RPL6: variants seen among roughly 807,000 people sequenced by gnomAD.
The protein encoded by RPL6 is large ribosomal subunit protein eL6.
A neutral mutation model predicts 32.1 loss-of-function variants in RPL6; 1 was observed. The observed-to-expected ratio is 0.03, with a 90% CI of 0.01 to 0.15. The LOEUF (loss-of-function observed/expected upper bound fraction) is 0.15. Among genes scored for constraint, RPL6 ranks in the 10% least tolerant of loss-of-function variants. RPL6 has a pLI of 1.00. For missense variants in RPL6, 275 were observed against 354.6 expected (o/e 0.78, Z 1.80); for synonymous variants, 126 against 131.6 (o/e 0.96, Z 0.29).
At chr12:112,418,218 T>G (rs2037447805) in intron 1 of RPL6, 1 of 151,890 alleles carries the variant, frequency 6.6e-6, no homozygotes, top group African/African-American at 2.4e-5. Flanking sequence ...GACCTCGTGA[T>G]CCGCCCACCT....
At chr12:112,412,285 C>T (rs548032477), upstream of RPL6, among the ~76,000 whole-genome samples, 13 of 152,112 alleles carry the variant, frequency 8.5e-5, no homozygotes, top group South Asian at 2.1e-4. Flanking sequence ...GTGATCTGCC[C>T]GCCTCGACCT....
At chr12:112,409,124 C>G in intron 1 of RPL6, 3 of 258,764 alleles carry the variant, frequency 1.2e-5, no homozygotes, top group Non-Finnish European at 2.2e-5. Context: ...CAAACGGAAT[C>G]AGCCCAAATT....
At chr12:112,409,025 A>T (rs1420268245) in intron 1 of RPL6, 2 of 255,738 alleles carry the variant, frequency 7.8e-6, no homozygotes, top group East Asian at 1.6e-4. Flanking sequence ...CAAGACCAGA[A>T]CTTGAAATCC....
At chr12:112,406,162 G>A (rs1307307404) in intron 5 of RPL6, 125 bp from the exon 6 acceptor site, 6 of 1,201,398 alleles carry the variant, frequency 5.0e-6, no homozygotes, top group Admixed American at 2.0e-5. Context: ...TTGCACACAA[G>A]GCAATGAAAT....
At chr12:112,408,145 G>A (rs753417489) in intron 3 of RPL6, 95 bp downstream of exon 3, 39 of 874,550 alleles carry the variant, frequency 4.5e-5, no homozygotes, top group Middle Eastern at 3.3e-4. Flanking sequence ...GAAATTCTCC[G>A]GTATGCAGAA....
At position 112,408,520 on chromosome 12, in the gene RPL6, C is replaced by T. The variant is rs557069721; in HGVS notation, c.137G>A (p.Arg46His). Residue 46 changes from arginine to histidine, a missense_variant, in exon 2 of 7, where the codon CGC becomes CAC. By Grantham distance (29) the Arg-to-His change is conservative. Coordinates refer to ENST00000202773, the MANE Select transcript of RPL6 (RefSeq NM_000970.6). ...AATTCCTCTGACAAGGACAGGGTTG[C>T]GGCTGCAATGGGGCTTCCCCTTCTT... The part of the protein sequence containing the change: ...KPKKGKPHCS[R>H]NPVLVRGIGR... 16 of 1,612,770 alleles carry T rather than the reference C, an allele frequency of 9.9e-6. No homozygotes were observed. Among genetic ancestry groups the T allele is most frequent in the East Asian group, 2.2e-5 (1 of 44,886 alleles).
At chr12:112,409,555 T>A (rs2037296699) in intron 1 of RPL6, 32 bp downstream of exon 1, 4 of 398,526 alleles carry the variant, frequency 1.0e-5, no homozygotes, top group Non-Finnish European at 1.8e-5. Flanking sequence ...AGTCCTGAAC[T>A]CAAGTCTTGC....
At chr12:112,411,941 G>A (rs1293686982), upstream of RPL6, among the ~76,000 whole-genome samples, 5 of 149,176 alleles carry the variant, frequency 3.4e-5, no homozygotes, top group Non-Finnish European at 7.4e-5. Flanking sequence ...GTGCAGTGCC[G>A]TGATCTTGGC....
chr12:112,418,137 G>A (rs560369415), intron 1 of RPL6, among the ~76,000 whole-genome samples: 1 of 152,132 alleles, frequency 6.6e-6, no homozygotes, highest in African/African-American at 2.4e-5. Context: ...CCCCCACCAC[G>A]CCAGGCTAAT....
upstream of RPL6, among the ~76,000 whole-genome samples, chr12:112,413,649 C>T (rs535649525): frequency 5.9e-5 from 9 of 152,048 alleles, no homozygotes; most frequent in South Asian, 1.5e-3. Flanking sequence ...TGGTCTCAAA[C>T]TCCTGTCTCA....
At chr12:112,409,390 C>G (rs2037290313) in intron 1 of RPL6, 197 bp downstream of exon 1, 1 of 398,200 alleles carries the variant, frequency 2.5e-6, no homozygotes, top group Non-Finnish European at 4.4e-6. Context: ...CGGAGGGAGC[C>G]ACTACGGCAT....
chr12:112,409,623 C>T (rs1344952095), upstream of RPL6: 5 of 397,694 alleles, frequency 1.3e-5, no homozygotes, highest in Non-Finnish European at 4.4e-6. Flanking sequence ...GTCCCGGCTT[C>T]CGGTCTATAA....
At chr12:112,411,135 G>T (rs1216167113), upstream of RPL6, among the ~76,000 whole-genome samples, 2 of 152,132 alleles carry the variant, frequency 1.3e-5, no homozygotes, top group African/African-American at 4.8e-5. Flanking sequence ...TAACCATTAG[G>T]CTGCAAGATT....
At chr12:112,414,652 C>T (rs929539950), upstream of RPL6, among the ~76,000 whole-genome samples, 6 of 152,146 alleles carry the variant, frequency 3.9e-5, no homozygotes, top group Non-Finnish European at 8.8e-5. Flanking sequence ...GCCTGTAATT[C>T]CAGCACTTTG....
upstream of RPL6, among the ~76,000 whole-genome samples, chr12:112,412,281 T>C (rs532719050): frequency 3.0e-4 from 46 of 152,178 alleles, 1 homozygote; most frequent in African/African-American, 1.0e-3. Context: ...CCTCGTGATC[T>C]GCCCGCCTCG....
At chr12:112,406,503 A>T in intron 4 of RPL6, 161 bp from the exon 5 acceptor site, 2 of 774,608 alleles carry the variant, frequency 2.6e-6, no homozygotes, top group South Asian at 1.8e-5. Flanking sequence ...CTAAGGTAGT[A>T]CTCCAGACAT....
chr12:112,413,592 T>G (rs2037364861), upstream of RPL6, among the ~76,000 whole-genome samples: 1 of 151,986 alleles, frequency 6.6e-6, no homozygotes, highest in South Asian at 2.1e-4. Context: ...TTTTTTTGTT[T>G]TGTTTTGTTT....
At chr12:112,410,696 CCCAAGTAGCAGGGATTACAGGCGCACA>C (rs1400196577), upstream of RPL6, among the ~76,000 whole-genome samples, 6 of 150,438 alleles carry the variant, frequency 4.0e-5, no homozygotes, top group Middle Eastern at 3.2e-3. Context: ...GCCTCAGCCT[CCCAAGTAGCAGGGATTACAGGCGCACA>C]CCACCATGCC....
intron 1 of RPL6, chr12:112,409,351 T>A (rs1250693380): frequency 1.3e-5 from 5 of 395,930 alleles, no homozygotes; most frequent in Non-Finnish European, 2.2e-5. Flanking sequence ...AGGGCCTCGT[T>A]CCCCCAGCCC....
Sources: gnomAD v4.1 joint callset for allele counts (sites outside exome capture counted in the v4.1 genomes callset) on GRCh38, gnomAD v4.1.1 for gene constraint, MANE v1.5 for transcripts, NCBI Gene and HGNC (gene_info 2026-07-23, HGNC 2026-07-21) for gene names.